PICALM: variants seen among roughly 807,000 people sequenced by gnomAD.
The protein encoded by PICALM is phosphatidylinositol binding clathrin assembly protein, also known as phosphatidylinositol-binding clathrin assembly protein.
A neutral mutation model predicts 80.5 loss-of-function variants in PICALM; 40 were observed. The ratio of observed to expected loss-of-function variants is 0.50; its 90% CI spans 0.39 to 0.65. The LOEUF is 0.65. PICALM is among the 30% of genes least tolerant of loss of function. The pLI is 0.00. For missense variants in PICALM, 676 were observed against 778.9 expected, an observed-to-expected ratio of 0.87 and a Z score of 1.57; for synonymous variants, 288 against 260.3, an observed-to-expected ratio of 1.11 and a Z score of -1.02.
intron 19 of PICALM, among the ~76,000 whole-genome samples, chr11:85,964,778 C>T (rs1045851535): frequency 1.3e-5 from 2 of 152,206 alleles, no homozygotes; most frequent in African/African-American, 2.4e-5. Flanking sequence ...GTGCAGGAAA[C>T]ACTTTATCTG....
chr11:85,962,821 G>A (rs2093733971), intron 19 of PICALM, among the ~76,000 whole-genome samples: 1 of 152,144 alleles, frequency 6.6e-6, no homozygotes, highest in Admixed American at 6.5e-5. Flanking sequence ...GGGCTAGCTA[G>A]GCTGACTGCA....
chr11:86,067,148 T>A (rs563155960), intron 1 of PICALM, among the ~76,000 whole-genome samples: 61 of 152,322 alleles, frequency 4.0e-4, no homozygotes, highest in African/African-American at 1.4e-3. Flanking sequence ...ATGAGCACAG[T>A]AACTTGGAAG....
At chr11:85,987,773 C>T (rs1356654096) in intron 13 of PICALM, among the ~76,000 whole-genome samples, 6 of 152,166 alleles carry the variant, frequency 3.9e-5, no homozygotes, top group Non-Finnish European at 7.4e-5. Context: ...ACCCAGCTCC[C>T]GAGATGGTTT....
intron 2 of PICALM, among the ~76,000 whole-genome samples, chr11:86,031,126 CAA>C (rs1469435479): frequency 6.6e-6 from 1 of 151,752 alleles, no homozygotes; most frequent in Non-Finnish European, 1.5e-5. Context: ...TCAAAACAAA[CAA>C]ACAAAAAATC....
chr11:86,023,027 A>C (rs1387444899), intron 3 of PICALM, among the ~76,000 whole-genome samples: 5 of 152,212 alleles, frequency 3.3e-5, no homozygotes, highest in Non-Finnish European at 5.9e-5. Context: ...AACTTTCTAA[A>C]TGAATACATA....
chr11:86,065,917 G>A (rs551755959), intron 1 of PICALM, among the ~76,000 whole-genome samples: 1 of 152,230 alleles, frequency 6.6e-6, no homozygotes, highest in African/African-American at 2.4e-5. Context: ...CACTCTAAGG[G>A]CTTATACGAA....
chr11:86,041,895 T>C (rs765459605), intron 1 of PICALM, among the ~76,000 whole-genome samples: 7 of 152,216 alleles, frequency 4.6e-5, no homozygotes, highest in Admixed American at 3.9e-4. Context: ...GAAAAACATA[T>C]ACTCTTGGAA....
intron 2 of PICALM, among the ~76,000 whole-genome samples, chr11:86,030,623 G>A (rs2095734837): frequency 6.6e-6 from 1 of 152,196 alleles, no homozygotes; most frequent in African/African-American, 2.4e-5. Flanking sequence ...CGGAAAGTAA[G>A]ATGATTCTCT....
In PICALM at chr11:85,965,839, G is replaced by C. The variant is rs1282602974; in HGVS notation, c.1945-6779C>G. Among the ~76,000 whole-genome samples the C allele has an allele frequency of 5.9e-5, 3 of 50,810 alleles. No individual in the cohort carries two copies. In the Admixed American group the frequency reaches 6.5e-4, roughly 11 times the overall value. The allele number at this position is 50,810 out of a possible 152,430, so 33.3% of individuals were successfully genotyped here. ...TGTTTTTTTTTTTTTTTTTTTTTTTGAGACAGACTCTCTGTCGCCCAGGCT... is the reference window on the plus strand; with the variant it reads ...TGTTTTTTTTTTTTTTTTTTTTTTTCAGACAGACTCTCTGTCGCCCAGGCT... On this transcript the variant is annotated intron_variant, in intron 19 of 19. Transcript: ENST00000393346.
intron 11 of PICALM, 21 bp from the exon 12 acceptor site, chr11:85,996,950 C>T (rs761073526): frequency 1.8e-5 from 28 of 1,551,588 alleles, no homozygotes; most frequent in Middle Eastern, 1.7e-4. Context: ...ATTTTGGAAA[C>T]GTGTTTTATT....
intron 1 of PICALM, among the ~76,000 whole-genome samples, chr11:86,058,959 GAGC>G (rs2096311898): frequency 6.6e-6 from 1 of 152,104 alleles, no homozygotes; most frequent in African/African-American, 2.4e-5. Context: ...TGTTCAACTG[GAGC>G]AGCTACAAAA....
intron 4 of PICALM, 40 bp from the exon 5 acceptor site, chr11:86,015,003 C>A (rs2095457697): frequency 1.7e-6 from 2 of 1,207,342 alleles, no homozygotes; most frequent in Non-Finnish European, 2.4e-6. Context: ...AATGAATCTG[C>A]AATTAAATCT....
At position 86,068,632 on chromosome 11, in the gene PICALM, C is replaced by T; in HGVS notation, c.130+19G>A. On this transcript the variant is annotated intron_variant, in intron 1 of 19. Coordinates refer to ENST00000393346, the MANE Select transcript of PICALM (RefSeq NM_007166.4). Reference sequence around the variant, plus strand: ...CGCGCGGGCGCCGGGGAGCGGGGGCCGCGGTCGGCTTCACTCACAGTCCAG... The same window carrying T: ...CGCGCGGGCGCCGGGGAGCGGGGGCTGCGGTCGGCTTCACTCACAGTCCAG... The T allele has an allele frequency of 6.3e-7, 1 of 1,597,046 alleles. No individual in the cohort carries two copies. The highest frequency in any genetic ancestry group is 1.1e-5 in the South Asian group (1 of 89,760).
At chr11:86,010,044 A>T (rs4944551) in intron 7 of PICALM, among the ~76,000 whole-genome samples, 22,065 of 152,162 alleles carry the variant, frequency 0.15, 2,110 homozygotes, top group Middle Eastern at 0.21. Flanking sequence ...TGCTAATTCC[A>T]AAGTAACTGC....
intron 4 of PICALM, among the ~76,000 whole-genome samples, chr11:86,015,229 A>T (rs1334241116): frequency 1.3e-5 from 2 of 152,248 alleles, no homozygotes; most frequent in African/African-American, 4.8e-5. Context: ...AGTATACATT[A>T]TACAGCAAGG....
At chr11:85,985,268 A>G (rs1477026127) in intron 13 of PICALM, among the ~76,000 whole-genome samples, 1 of 152,228 alleles carries the variant, frequency 6.6e-6, no homozygotes. Flanking sequence ...TGTAAAAAGT[A>G]GGACAAGATT....
intron 12 of PICALM, among the ~76,000 whole-genome samples, chr11:85,991,310 C>G (rs2094769314): frequency 1.3e-5 from 2 of 152,220 alleles, no homozygotes; most frequent in African/African-American, 2.4e-5. Flanking sequence ...TAATTCTCAA[C>G]AGTGGAATCT....
chr11:85,982,423 C>CTTTTTTTTTTTTTTTTTT lies in PICALM; in HGVS notation c.1517-421_1517-420insAAAAAAAAAAAAAAAAAA, dbSNP rs59672357. Among the ~76,000 whole-genome samples, 139 of 70,144 alleles carry CTTTTTTTTTTTTTTTTTT rather than the reference C, an allele frequency of 2.0e-3. 28 individuals are homozygous for CTTTTTTTTTTTTTTTTTT. Among genetic ancestry groups the CTTTTTTTTTTTTTTTTTT allele is most frequent in the Non-Finnish European group, 2.8e-3 (109 of 38,500 alleles). The allele number at this position is 70,144 out of a possible 152,430, so 46.0% of individuals were successfully genotyped here. A position where few individuals can be genotyped will look rare whatever the true frequency, so the allele number is the denominator to read the frequency against. On this transcript the variant is annotated intron_variant, in intron 14 of 19. Coordinates refer to ENST00000393346, the MANE Select transcript of PICALM (RefSeq NM_007166.4). ...ACGTTAAGAAATAAGATTTTATAGA[C>CTTTTTTTTTTTTTTTTTT]TTTTTTTTTTTTTTTGAGACGGAGT... is the stretch of plus-strand genomic sequence containing the variant.
In PICALM at chr11:86,000,704, C is replaced by T; in HGVS notation, c.1093G>A (p.Ala365Thr). ...TTAASPVSTSAGGIMTAPAID... is the reference protein window; with the variant it reads ...TTAASPVSTSTGGIMTAPAID... ...GCTGGTGCAGTCATTATCCCTCCTG[C>T]TGAGGTGGATACAGGAGAGGCTGCA... Residue 365 changes from alanine (A) to threonine (T), a missense_variant, in exon 11 of 20, where the codon GCA becomes ACA. By Grantham distance (58) the Ala-to-Thr change is moderately conservative. Around this residue, in one of 2 missense-constraint regions of PICALM, gnomAD observed 391 missense variants for 383.6 expected, o/e 1.02. Transcript: ENST00000393346. 1 of 1,611,612 alleles carries T rather than the reference C, an allele frequency of 6.2e-7. No individual in the cohort carries two copies. Among genetic ancestry groups the T allele is most frequent in the Middle Eastern group, 1.9e-4 (1 of 5,168 alleles).
Sources: allele counts gnomAD v4.1 joint callset (sites outside exome capture counted in the v4.1 genomes callset), GRCh38; gene constraint gnomAD v4.1.1; regional missense constraint gnomAD v4.1.1; transcripts MANE v1.5; gene names NCBI Gene and HGNC (gene_info 2026-07-23, HGNC 2026-07-21).